LRRC4C: variants seen among roughly 807,000 people sequenced by gnomAD.
LRRC4C encodes leucine rich repeat containing 4C, also known as leucine-rich repeat-containing protein 4C.
A neutral mutation model predicts 33.6 loss-of-function variants in LRRC4C; 5 were observed. That is an observed-to-expected ratio of 0.15 (90% CI 0.08 to 0.31). LRRC4C has a LOEUF of 0.31. Among genes scored for constraint, LRRC4C ranks in the 10% least tolerant of loss-of-function variants. The pLI is 1.00. For synonymous variants in LRRC4C, 329 were observed against 302.0 expected (o/e 1.09, Z -0.93); for missense variants, 560 against 796.7 (o/e 0.70, Z 3.58).
rs1261478291 is a variant in LRRC4C, at chr11:40,587,817, G to T, written c.-270+60325C>A. Among the ~76,000 whole-genome samples the T allele has an allele frequency of 3.3e-5, 5 of 152,112 alleles. No homozygotes were observed. The East Asian group carries it at 7.7e-4, about 23-fold the overall frequency. On this transcript the variant is annotated intron_variant, in intron 3 of 6. Coordinates refer to ENST00000528697, the MANE Select transcript of LRRC4C (RefSeq NM_001258419.2). ...ATATTGAACCAGCCTTGCATCCCAG[G>T]GATAAAGCCCACTTGATCATGGTGG...
intron 2 of LRRC4C, among the ~76,000 whole-genome samples, chr11:40,814,166 T>A (rs1951609585): frequency 6.6e-6 from 1 of 152,186 alleles, no homozygotes; most frequent in South Asian, 2.1e-4. Context: ...CTATGAGGGC[T>A]CCACTCCTGC....
At chr11:40,284,020 AAAAG>A (rs1943667467) in intron 4 of LRRC4C, among the ~76,000 whole-genome samples, 1 of 152,146 alleles carries the variant, frequency 6.6e-6, no homozygotes. Context: ...TCCACATTCT[AAAAG>A]AAGCCACAAT....
chr11:41,172,212 T>C (rs1447568173), intron 1 of LRRC4C, among the ~76,000 whole-genome samples: 2 of 152,250 alleles, frequency 1.3e-5, no homozygotes, highest in Non-Finnish European at 2.9e-5. Context: ...AAGCCAGCAA[T>C]TTTACATTCT....
chr11:41,050,091 T>C (rs1858091881), intron 1 of LRRC4C, among the ~76,000 whole-genome samples: 1 of 152,196 alleles, frequency 6.6e-6, no homozygotes, highest in Admixed American at 6.5e-5. Context: ...CTGCTATTAA[T>C]ATGAGCATTT....
chr11:41,118,188 A>G (rs1317727386), intron 1 of LRRC4C, among the ~76,000 whole-genome samples: 1 of 152,188 alleles, frequency 6.6e-6, no homozygotes, highest in East Asian at 1.9e-4. Flanking sequence ...TGACCAATAT[A>G]TCCAGTAGGC....
chr11:40,796,678 G>C (rs1039892584), intron 2 of LRRC4C, among the ~76,000 whole-genome samples: 51 of 98,486 alleles, frequency 5.2e-4, no homozygotes, highest in Non-Finnish European at 9.3e-4. Flanking sequence ...ACAGAGTCTT[G>C]TTGTGTCCCA....
intron 3 of LRRC4C, among the ~76,000 whole-genome samples, chr11:40,401,234 CCTCTCT>C (rs146489901): frequency 6.7e-6 from 1 of 148,222 alleles, no homozygotes; most frequent in East Asian, 2.0e-4. Flanking sequence ...AGTCAATCTC[CCTCTCT>C]CTCTCTCTCT....
intron 1 of LRRC4C, among the ~76,000 whole-genome samples, chr11:41,130,715 G>C (rs762347097): frequency 2.0e-5 from 3 of 151,958 alleles, no homozygotes; most frequent in Non-Finnish European, 4.4e-5. Context: ...ATTTTTTAAA[G>C]TATGAATTTA....
At chr11:41,024,453 T>C (rs1231155491) in intron 1 of LRRC4C, among the ~76,000 whole-genome samples, 1 of 151,678 alleles carries the variant, frequency 6.6e-6, no homozygotes, top group African/African-American at 2.4e-5. Flanking sequence ...CCAGGGATGG[T>C]TCTAAATCCT....
chr11:40,306,057 G>A lies in LRRC4C; in HGVS notation c.-176+13571C>T, dbSNP rs942241997. Reference sequence around the variant, plus strand: ...AACTTCGGCCCATTCTCTTTGAGCAGCTCTTCCTTGGTGTCTCCACCTATG... The same window carrying A: ...AACTTCGGCCCATTCTCTTTGAGCAACTCTTCCTTGGTGTCTCCACCTATG... On this transcript the variant is annotated intron_variant, in intron 4 of 6. Transcript: ENST00000528697. 6.6e-5 allele frequency among the ~76,000 whole-genome samples: 10 copies of A among 152,180 alleles called. No homozygotes were observed. The East Asian group carries it at 1.7e-3, about 26-fold the overall frequency.
chr11:40,922,888 C>T (rs927813494), intron 2 of LRRC4C, among the ~76,000 whole-genome samples: 16 of 152,082 alleles, frequency 1.1e-4, no homozygotes, highest in Admixed American at 1.0e-3. Flanking sequence ...CACAGTGGCG[C>T]AAACTCTGCT....
chr11:41,309,113 C>CT (rs1241214931), intron 1 of LRRC4C, among the ~76,000 whole-genome samples: 1 of 152,202 alleles, frequency 6.6e-6, no homozygotes, highest in Non-Finnish European at 1.5e-5. Context: ...GACTTGGCTG[C>CT]TGCAGAACTC....
At chr11:41,275,924 A>T (rs1012240054) in intron 1 of LRRC4C, among the ~76,000 whole-genome samples, 1 of 152,206 alleles carries the variant, frequency 6.6e-6, no homozygotes, top group Non-Finnish European at 1.5e-5. Context: ...AAAATCTATA[A>T]ACTCACATGC....
At chr11:41,433,692 C>T (rs1458569970) in intron 1 of LRRC4C, among the ~76,000 whole-genome samples, 1 of 152,138 alleles carries the variant, frequency 6.6e-6, no homozygotes, top group Non-Finnish European at 1.5e-5. Flanking sequence ...CGGACTCGTT[C>T]TTCAGCTTTG....
chr11:40,737,371 G>A (rs1053055367), intron 2 of LRRC4C, among the ~76,000 whole-genome samples: 3 of 152,020 alleles, frequency 2.0e-5, no homozygotes, highest in African/African-American at 7.3e-5. Context: ...TCTGGCCAGG[G>A]CAATTAGGCA....
chr11:40,929,254 A>G (rs1488766556), intron 2 of LRRC4C, among the ~76,000 whole-genome samples: 1 of 152,172 alleles, frequency 6.6e-6, no homozygotes, highest in Non-Finnish European at 1.5e-5. Flanking sequence ...TGCCACATTA[A>G]TCCCATACTT....
chr11:41,175,911 C>A (rs913096247), intron 1 of LRRC4C, among the ~76,000 whole-genome samples: 1 of 152,108 alleles, frequency 6.6e-6, no homozygotes, highest in African/African-American at 2.4e-5. Flanking sequence ...CTCAGCCTAG[C>A]CAGCTCTTAC....
At chr11:40,324,107 T>A (rs932970587) in intron 3 of LRRC4C, among the ~76,000 whole-genome samples, 12 of 152,190 alleles carry the variant, frequency 7.9e-5, no homozygotes, top group African/African-American at 2.9e-4. Context: ...TAGGTACACA[T>A]ACTCACATAG....
intron 1 of LRRC4C, among the ~76,000 whole-genome samples, chr11:41,085,928 C>CAAAAAAAAAAAAAAAA (rs10717008): frequency 1.2e-5 from 1 of 80,192 alleles, no homozygotes; most frequent in Non-Finnish European, 2.3e-5. Context: ...TTTAAGACAC[C>CAAAAAAAAAAAAAAAA]AAAAAAAAAA....
Sources: allele counts gnomAD v4.1 joint callset (sites outside exome capture counted in the v4.1 genomes callset), GRCh38; gene constraint gnomAD v4.1.1; transcripts MANE v1.5; gene names NCBI Gene and HGNC (gene_info 2026-07-23, HGNC 2026-07-21).